RPS27A: variants seen among roughly 807,000 people sequenced by gnomAD.
The protein encoded by RPS27A is ribosomal protein S27a.
A neutral mutation model predicts 18.9 loss-of-function variants in RPS27A; 1 was observed. The observed-to-expected ratio is 0.05, with a 90% confidence interval of 0.02 to 0.25. The LOEUF (loss-of-function observed/expected upper bound fraction) is 0.25, where lower values mean the gene tolerates loss of function less well. Ranked by LOEUF, RPS27A falls within the 10% of genes least tolerant of loss-of-function variation. RPS27A has a pLI of 1.00. For missense variants in RPS27A, 123 were observed against 187.4 expected (o/e 0.66, Z 2.01); for synonymous variants, 77 against 63.7 (o/e 1.21, Z -0.99).
At position 55,232,892 on chromosome 2, in the gene RPS27A, G is replaced by A. The variant is rs777965161; in HGVS notation, c.48+20G>A. 1.2e-6 allele frequency: 2 copies of A among 1,607,526 alleles called. No individual in the cohort carries two copies. The highest frequency in any genetic ancestry group is 1.7e-5 in the Admixed American group (1 of 59,496). On this transcript the variant is annotated intron_variant, in intron 2 of 5. Transcript: ENST00000272317. The stretch of plus-strand genomic sequence containing the variant: ...CTCGAGGTACGGGCCGGGTGGTCAT[G>A]AGGAAGCCAAGGTCCGAATAAGGTC...
At position 55,235,668 on chromosome 2, in the gene RPS27A, C is replaced by CA; in HGVS notation, c.*92dup. 7.1e-7 allele frequency: 1 copy of CA among 1,401,678 alleles called. No homozygotes were observed. Among genetic ancestry groups the CA allele is most frequent in the East Asian group, 2.3e-5 (1 of 43,886 alleles). The allele number at this position is 1,401,678 out of a possible 1,614,324, so 86.8% of individuals were successfully genotyped here. A position where few individuals can be genotyped will look rare whatever the true frequency, so the allele number is the denominator to read the frequency against. ...GGTTTTTAAGCACCAAATTGATGGT[C>CA]ACACCATTTCCTTTTAGTAGTGCTA... On this transcript the variant is annotated 3_prime_UTR_variant, in exon 6 of 6. Coordinates refer to ENST00000272317, the MANE Select transcript of RPS27A (RefSeq NM_002954.6).
intron 3 of RPS27A, 57 bp from the exon 4 acceptor site, chr2:55,234,062 C>T (rs1675662159): frequency 4.5e-6 from 5 of 1,117,124 alleles, no homozygotes; most frequent in South Asian, 1.2e-5. Context: ...CCTTATAAGT[C>T]TGGAGCACAT....
intron 4 of RPS27A, chr2:55,234,506 G>A (rs1292033667): frequency 5.5e-6 from 3 of 546,722 alleles, no homozygotes; most frequent in Non-Finnish European, 9.8e-6. Flanking sequence ...GGTGTATTCT[G>A]GACATTTTGA....
intron 2 of RPS27A, 105 bp from the exon 3 acceptor site, chr2:55,233,258 C>T: frequency 1.0e-6 from 1 of 985,036 alleles, no homozygotes; most frequent in African/African-American, 1.6e-5. Context: ...TCGAGTAGGT[C>T]TCAGCCCTGT....
At chr2:55,234,023 A>G in intron 3 of RPS27A, 96 bp from the exon 4 acceptor site, 1 of 819,476 alleles carries the variant, frequency 1.2e-6, no homozygotes, top group Non-Finnish European at 2.2e-6. Flanking sequence ...GTCAGCCTTT[A>G]GTATCATGTA....
Position 55,235,851 on chromosome 2 carries a change from T to C in RPS27A, c.*274T>C, listed in dbSNP as rs563614280. On this transcript the variant is annotated 3_prime_UTR_variant, in exon 6 of 6. Coordinates refer to ENST00000272317, the MANE Select transcript of RPS27A (RefSeq NM_002954.6). ...ATATTTAATGTAAGTTGTCTAAATA[T>C]AAGCCAGTTTGTGTTTCTGTCCATT... 10 of 467,160 alleles carry C rather than the reference T, an allele frequency of 2.1e-5. No individual in the cohort carries two copies. Among genetic ancestry groups the C allele is most frequent in the Non-Finnish European group, 3.5e-5 (9 of 255,030 alleles). The allele number at this position is 467,160 out of a possible 1,614,324, so 28.9% of individuals were successfully genotyped here. A position where few individuals can be genotyped will look rare whatever the true frequency, so the allele number is the denominator to read the frequency against.
chr2:55,232,712 G>A lies in RPS27A; in HGVS notation c.-18+4G>A. ...CCTTTTCGATCCGCCATCTGCGGTG[G>A]GTGTCTGCACTTCGGCTGCTCTCGG... On this transcript the variant is annotated splice_donor_region_variant and intron_variant, in intron 1 of 5. Transcript: ENST00000272317. The A allele has an allele frequency of 1.1e-6, 1 of 925,036 alleles. No homozygotes were observed. Among genetic ancestry groups the A allele is most frequent in the Non-Finnish European group, 1.7e-6 (1 of 575,240 alleles). 57.3% of individuals were successfully genotyped at this position (925,036 alleles called of 1,614,324 possible). A position where few individuals can be genotyped will look rare whatever the true frequency, so the allele number is the denominator to read the frequency against.
intron 2 of RPS27A, chr2:55,233,079 T>G: frequency 1.5e-6 from 1 of 651,586 alleles, no homozygotes; most frequent in Non-Finnish European, 2.8e-6. Flanking sequence ...CTCGAGGGGT[T>G]CCAGCTAGTT....
Position 55,233,431 on chromosome 2 carries a change from T to A in RPS27A, c.103+14T>A. ...AGGATAAGGAAGGCAAGTAGTATTT[T>A]GTAGTTAAGAAAACTTAACCTGCGG... On this transcript the variant is annotated intron_variant, in intron 3 of 5. Transcript: ENST00000272317. 1.2e-6 allele frequency: 2 copies of A among 1,607,408 alleles called. No homozygotes were observed. Among genetic ancestry groups the A allele is most frequent in the Non-Finnish European group, 1.7e-6 (2 of 1,174,484 alleles).
chr2:55,232,674 G>T, upstream of RPS27A: 2 of 757,122 alleles, frequency 2.6e-6, no homozygotes. Context: ...CCGTGGGCCT[G>T]CGCGGCGTTC....
Position 55,234,972 on chromosome 2 carries a change from T to G in RPS27A, c.321+10T>G. 1 of 1,612,500 alleles carries G rather than the reference T, an allele frequency of 6.2e-7. No individual in the cohort carries two copies. Among genetic ancestry groups the G allele is most frequent in the Non-Finnish European group, 8.5e-7 (1 of 1,179,598 alleles). On this transcript the variant is annotated intron_variant, in intron 5 of 5. Transcript: ENST00000272317. ...CCTGAAATATTATAAGGTGAGCCAG[T>G]TAAAGGGCAGAATGTCAGCAAAGTC...
rs3211295 is a variant in RPS27A, at chr2:55,232,808, G to C, written c.-17G>C. 6.2e-7 allele frequency: 1 copy of C among 1,610,802 alleles called. No individual in the cohort carries two copies. The highest frequency in any genetic ancestry group is 2.2e-5 in the East Asian group (1 of 44,832). On this transcript the variant is annotated splice_region_variant and 5_prime_UTR_variant, in exon 2 of 6. Coordinates refer to ENST00000272317, the MANE Select transcript of RPS27A (RefSeq NM_002954.6). The stretch of plus-strand genomic sequence containing the variant: ...GTCTCTTCCTTTTCCTCAACCTCAG[G>C]TGGAGCCGCCACCAAAATGCAGATT...
chr2:55,235,336 A>T (rs764589978), intron 5 of RPS27A, 92 bp from the exon 6 acceptor site: 1 of 1,407,530 alleles, frequency 7.1e-7, no homozygotes, highest in East Asian at 2.3e-5. Context: ...CACCAGTATT[A>T]CACAGTTAAA....
upstream of RPS27A, chr2:55,232,256 A>AC (rs1396220631): frequency 3.3e-5 from 6 of 182,428 alleles, no homozygotes; most frequent in East Asian, 8.0e-4. Flanking sequence ...TTCTCCAAAC[A>AC]CCGACTTCAG....
chr2:55,233,119 G>T (rs1027246388), intron 2 of RPS27A: 1 of 637,858 alleles, frequency 1.6e-6, no homozygotes, highest in Non-Finnish European at 2.8e-6. Context: ...CGGTGGGGAA[G>T]GAGACGCTCT....
intron 2 of RPS27A, chr2:55,233,150 T>G: frequency 1.5e-6 from 1 of 650,212 alleles, no homozygotes; most frequent in South Asian, 1.8e-5. Context: ...TGCGAGCACG[T>G]GTGGCCCTGC....
At position 55,233,295 on chromosome 2, in the gene RPS27A, C is replaced by A; in HGVS notation, c.49-68C>A. 5 of 1,334,698 alleles carry A rather than the reference C, an allele frequency of 3.7e-6. No homozygotes were observed. The South Asian group carries it at 4.7e-5, about 13-fold the overall frequency. The allele number at this position is 1,334,698 out of a possible 1,614,324, so 82.7% of individuals were successfully genotyped here. A position where few individuals can be genotyped will look rare whatever the true frequency, so the allele number is the denominator to read the frequency against. ...GCTGGTTCGGTTCAGTGGTAATTGT[C>A]AAACTAAATGAGTTCTGCTGTAGTT... On this transcript the variant is annotated intron_variant, in intron 2 of 5. Transcript: ENST00000272317.
intron 3 of RPS27A, 152 bp downstream of exon 3, chr2:55,233,569 G>T: frequency 1.5e-6 from 1 of 686,812 alleles, no homozygotes. Context: ...TTGGTGATCG[G>T]GGAGCACAGT....
In RPS27A at chr2:55,235,701, C is replaced by G. The variant is rs1422996746; in HGVS notation, c.*124C>G. On this transcript the variant is annotated 3_prime_UTR_variant, in exon 6 of 6. Coordinates refer to ENST00000272317, the MANE Select transcript of RPS27A (RefSeq NM_002954.6). ...TTCCTTTTAGTAGTGCTACTGCTAT[C>G]GCTGTGTGAATGTTGCCTCTGGGGA... 7 of 1,113,446 alleles carry G rather than the reference C, an allele frequency of 6.3e-6. No homozygotes were observed. The highest frequency in any genetic ancestry group is 9.3e-6 in the Non-Finnish European group (7 of 751,096). 69.0% of individuals were successfully genotyped at this position (1,113,446 alleles called of 1,614,324 possible). A position where few individuals can be genotyped will look rare whatever the true frequency, so the allele number is the denominator to read the frequency against.
Sources: allele counts gnomAD v4.1 joint callset, GRCh38; gene constraint gnomAD v4.1.1; transcripts MANE v1.5; gene names NCBI Gene and HGNC (gene_info 2026-07-23, HGNC 2026-07-21).